TAOK3: variants seen among roughly 807,000 people sequenced by gnomAD.
TAOK3 encodes TAO kinase 3, also known as serine/threonine-protein kinase TAO3.
In TAOK3, 40 loss-of-function variants were observed where a neutral mutation model predicts 120.4. The observed-to-expected ratio is 0.33, with a 90% CI of 0.26 to 0.43. The LOEUF (loss-of-function observed/expected upper bound fraction) is 0.43, where lower values mean the gene tolerates loss of function less well. TAOK3 is among the 20% of genes least tolerant of loss of function. TAOK3 has a pLI of 1.00. For missense variants in TAOK3, 821 were observed against 1,112.1 expected (o/e 0.74, Z 3.72); for synonymous variants, 355 against 387.5 (o/e 0.92, Z 0.99).
chr12:118,205,502 G>A lies in TAOK3; in HGVS notation c.820-4039C>T, dbSNP rs543237955. 2.0e-5 allele frequency among the ~76,000 whole-genome samples: 3 copies of A among 152,256 alleles called. No homozygotes were observed. In the South Asian group the frequency reaches 6.2e-4, roughly 32 times the overall value. Reference sequence around the variant, plus strand: ...AGGCTTTAAAAATTTTTTTCTGCCAGGGGTGTGGGTGGTGGTGGTTATTTT... The same window carrying A: ...AGGCTTTAAAAATTTTTTTCTGCCAAGGGTGTGGGTGGTGGTGGTTATTTT... On this transcript the variant is annotated intron_variant, in intron 11 of 20. Transcript: ENST00000392533.
chr12:118,360,624 G>A (rs1445433678), intron 1 of TAOK3, among the ~76,000 whole-genome samples: 4 of 151,680 alleles, frequency 2.6e-5, no homozygotes, highest in African/African-American at 9.7e-5. Context: ...TTACTAATTG[G>A]CTTCTATGTG....
intron 3 of TAOK3, among the ~76,000 whole-genome samples, chr12:118,248,334 G>A (rs2040607665): frequency 6.6e-6 from 1 of 151,692 alleles, no homozygotes; most frequent in Admixed American, 6.6e-5. Flanking sequence ...CTCCACAAAA[G>A]CATATTTTAG....
At chr12:118,229,042 T>C (rs551513773) in intron 9 of TAOK3, among the ~76,000 whole-genome samples, 2 of 151,960 alleles carry the variant, frequency 1.3e-5, no homozygotes, top group African/African-American at 4.8e-5. Context: ...CTACCTCAGC[T>C]TCACTTAATC....
chr12:118,332,105 G>A (rs1351588250), intron 1 of TAOK3, among the ~76,000 whole-genome samples: 1 of 152,212 alleles, frequency 6.6e-6, no homozygotes, highest in African/African-American at 2.4e-5. Flanking sequence ...GATTACAGGT[G>A]TGAGCCACCA....
intron 13 of TAOK3, among the ~76,000 whole-genome samples, chr12:118,194,612 C>CTTT (rs58866768): frequency 7.2e-4 from 71 of 98,126 alleles, no homozygotes; most frequent in African/African-American, 2.4e-3. Flanking sequence ...AAGGACATTT[C>CTTT]TTTTTTTTTT....
intron 1 of TAOK3, among the ~76,000 whole-genome samples, chr12:118,305,904 C>CAAA (rs71450271): frequency 8.6e-5 from 5 of 58,328 alleles, no homozygotes; most frequent in African/African-American, 1.1e-4. Context: ...GACTCCGTCT[C>CAAA]AAAAAAAAAA....
At chr12:118,184,388 T>A (rs191781803) in intron 14 of TAOK3, among the ~76,000 whole-genome samples, 28 of 152,288 alleles carry the variant, frequency 1.8e-4, no homozygotes, top group Admixed American at 1.4e-3. Flanking sequence ...TGCCTGTGTG[T>A]CTTAAGTGTA....
At chr12:118,219,313 C>T (rs2039106536) in intron 9 of TAOK3, among the ~76,000 whole-genome samples, 2 of 151,188 alleles carry the variant, frequency 1.3e-5, no homozygotes. Flanking sequence ...AGTGCAGTGG[C>T]GTGATCAGCT....
At chr12:118,321,237 TAC>T (rs556163515) in intron 1 of TAOK3, among the ~76,000 whole-genome samples, 12 of 150,464 alleles carry the variant, frequency 8.0e-5, no homozygotes, top group Non-Finnish European at 1.3e-4. Context: ...TACATGCAAA[TAC>T]ACACACACAC....
rs554866619 is a variant in TAOK3 at position 118,160,785 on chromosome 12, A to G, written c.2140-427T>C. The stretch of plus-strand genomic sequence containing the variant: ...GTTTCACCCTGTTTTCAAGTGAGAC[A>G]GGGGATAGCATTATATAAGCCAGCT... On this transcript the variant is annotated intron_variant, in intron 18 of 20. Transcript: ENST00000392533. This position sits in a 1 kb window ranked among gnomAD's most constrained non-coding sequence, Gnocchi z 4.2. 3.0e-3 allele frequency among the ~76,000 whole-genome samples: 455 copies of G among 152,170 alleles called. 8 individuals are homozygous for G. The highest frequency in any genetic ancestry group is 0.01 in the Middle Eastern group (3 of 294).
At chr12:118,347,454 G>A (rs998640766) in intron 1 of TAOK3, among the ~76,000 whole-genome samples, 16 of 152,078 alleles carry the variant, frequency 1.1e-4, no homozygotes, top group African/African-American at 3.9e-4. Context: ...ATTTATTGAG[G>A]GGAGGAGGGG....
At chr12:118,247,329 A>G (rs1263420625) in intron 3 of TAOK3, among the ~76,000 whole-genome samples, 1 of 152,036 alleles carries the variant, frequency 6.6e-6, no homozygotes. Context: ...ATATATGTGT[A>G]TTTTTTATCT....
At chr12:118,215,261 C>T (rs1182960445) in intron 9 of TAOK3, among the ~76,000 whole-genome samples, 1 of 133,348 alleles carries the variant, frequency 7.5e-6, no homozygotes, top group African/African-American at 2.8e-5. Flanking sequence ...TTTGGGAGGC[C>T]GAGGCGGGTG....
chr12:118,372,051 T>C lies in TAOK3; in HGVS notation c.-194+597A>G, dbSNP rs1289874863. ...ACTGTCTTGGCCCTTCCTGGGGTCT[T>C]CTCACACTCTGTTCTAAGCCCTCTG... On this transcript the variant is annotated intron_variant, in intron 1 of 20. Coordinates refer to ENST00000392533, the MANE Select transcript of TAOK3 (RefSeq NM_016281.4). The surrounding 1 kb of genome is among the most constrained non-coding windows in gnomAD (Gnocchi z 4.6). 6.6e-6 allele frequency among the ~76,000 whole-genome samples: 1 copy of C among 151,636 alleles called. No individual in the cohort carries two copies. The highest frequency in any genetic ancestry group is 1.5e-5 in the Non-Finnish European group (1 of 67,912).
intron 11 of TAOK3, among the ~76,000 whole-genome samples, chr12:118,212,176 C>T (rs568487917): frequency 1.3e-5 from 2 of 152,236 alleles, no homozygotes; most frequent in South Asian, 4.2e-4. Flanking sequence ...AACAGAACTG[C>T]TATACAATAA....
chr12:118,288,911 A>G (rs1284242858), intron 1 of TAOK3, among the ~76,000 whole-genome samples: 3 of 80,976 alleles, frequency 3.7e-5, no homozygotes, highest in African/African-American at 1.0e-4. Flanking sequence ...GCAAGACTCT[A>G]TCTCAAAAAA....
chr12:118,344,357 A>G (rs1350929589), intron 1 of TAOK3, among the ~76,000 whole-genome samples: 1 of 151,876 alleles, frequency 6.6e-6, no homozygotes, highest in Non-Finnish European at 1.5e-5. Flanking sequence ...TTACTATACA[A>G]AAGTGCAGGT....
rs558929147 is a variant in TAOK3 at position 118,151,172 on chromosome 12, G to A, written c.2536-14C>T. On this transcript the variant is annotated splice_polypyrimidine_tract_variant and intron_variant, in intron 20 of 20. Coordinates refer to ENST00000392533, the MANE Select transcript of TAOK3 (RefSeq NM_016281.4). ...CTCCTCTTCAATCTGAAAGAAGCAC[G>A]ATGCAGTTCTTAATGGAAAGCATCT... 6 of 1,609,790 alleles carry A rather than the reference G, an allele frequency of 3.7e-6. No homozygotes were observed. The highest frequency in any genetic ancestry group is 1.7e-5 in the Admixed American group (1 of 59,554).
At chr12:118,236,364 C>G (rs1006238744) in intron 7 of TAOK3, 13 of 152,060 alleles carry the variant, frequency 8.5e-5, no homozygotes, top group Non-Finnish European at 1.9e-4. Flanking sequence ...AAGAATTGCA[C>G]GTGGTTACTA....
Sources: gnomAD v4.1 joint callset for allele counts (sites outside exome capture counted in the v4.1 genomes callset) on GRCh38, gnomAD v4.1.1 for gene constraint, Gnocchi (gnomAD v3.1) non-coding constraint, MANE v1.5 for transcripts, NCBI Gene and HGNC (gene_info 2026-07-23, HGNC 2026-07-21) for gene names.